The following THSD7B variants were observed in gnomAD, a reference collection of about 807,000 sequenced individuals.
THSD7B encodes the protein thrombospondin type-1 domain-containing protein 7B.
Under a neutral mutation model 213.6 loss-of-function variants are expected in THSD7B, and 138 were observed. The observed-to-expected ratio is 0.65, with a 90% CI of 0.56 to 0.74. THSD7B has a LOEUF of 0.74. Ranked by LOEUF, THSD7B falls within the 30% of genes least tolerant of loss-of-function variation. The pLI, the probability that THSD7B is intolerant of heterozygous loss-of-function variation, is 0.00. For missense variants in THSD7B, 1,931 were observed against 1,991.5 expected, an observed-to-expected ratio of 0.97 and a Z score of 0.58; for synonymous variants, 742 against 687.0, an observed-to-expected ratio of 1.08 and a Z score of -1.25.
chr2:137,055,244 G>A (rs1341865339), intron 2 of THSD7B, among the ~76,000 whole-genome samples: 3 of 152,056 alleles, frequency 2.0e-5, no homozygotes, highest in African/African-American at 4.8e-5. Context: ...ATAAACATAC[G>A]TGTGCATGTG....
chr2:137,016,247 C>T (rs912654132), intron 2 of THSD7B, among the ~76,000 whole-genome samples: 27 of 152,108 alleles, frequency 1.8e-4, no homozygotes, highest in South Asian at 4.1e-4. Flanking sequence ...TCAGAGTCTG[C>T]AATCTCACCT....
At chr2:137,012,337 A>G (rs1468879994) in intron 2 of THSD7B, among the ~76,000 whole-genome samples, 1 of 152,136 alleles carries the variant, frequency 6.6e-6, no homozygotes, top group Non-Finnish European at 1.5e-5. Flanking sequence ...ACAATACTCC[A>G]CCTAATTGCT....
chr2:136,822,550 A>G (rs918205567), intron 1 of THSD7B, among the ~76,000 whole-genome samples: 6 of 152,196 alleles, frequency 3.9e-5, no homozygotes, highest in African/African-American at 1.4e-4. Flanking sequence ...TTACAGATGA[A>G]GGAAGGAGAC....
chr2:137,053,791 T>A (rs567503452), intron 2 of THSD7B, among the ~76,000 whole-genome samples: 8 of 152,138 alleles, frequency 5.3e-5, no homozygotes, highest in African/African-American at 1.9e-4. Context: ...AGAGATAAAC[T>A]GACAGCCATT....
At chr2:137,290,826 C>A (rs1240221364) in intron 12 of THSD7B, among the ~76,000 whole-genome samples, 1 of 152,140 alleles carries the variant, frequency 6.6e-6, no homozygotes, top group African/African-American at 2.4e-5. Flanking sequence ...GGCTTGGAAT[C>A]CCGTCTGTTC....
At position 137,102,693 on chromosome 2, in the gene THSD7B, A is replaced by G. The variant is rs777785464; in HGVS notation, c.1199+7572A>G. On this transcript the variant is annotated intron_variant, in intron 4 of 27. Transcript: ENST00000409968. Reference sequence around the variant, plus strand: ...ATAACCAGTTTAGAGAAGAATATAAATGACCTGATGGATCTGAAAAACACA... The same window carrying G: ...ATAACCAGTTTAGAGAAGAATATAAGTGACCTGATGGATCTGAAAAACACA... Among the ~76,000 whole-genome samples, 31 of 152,216 alleles carry G rather than the reference A, an allele frequency of 2.0e-4. 1 individual carries two copies. Among genetic ancestry groups the G allele is most frequent in the Admixed American group, 9.8e-4 (15 of 15,284 alleles).
At chr2:137,586,189 T>A (rs964329884) in intron 17 of THSD7B, among the ~76,000 whole-genome samples, 2 of 152,188 alleles carry the variant, frequency 1.3e-5, no homozygotes, top group African/African-American at 4.8e-5. Context: ...ATTTGCTTGG[T>A]AGATCTTCCT....
intron 1 of THSD7B, among the ~76,000 whole-genome samples, chr2:136,870,039 T>C (rs953058775): frequency 7.2e-6 from 1 of 139,334 alleles, no homozygotes; most frequent in African/African-American, 2.7e-5. Flanking sequence ...ACCACTGCAC[T>C]CCGGGCTGGG....
chr2:137,333,845 A>G (rs1238806556), intron 12 of THSD7B, among the ~76,000 whole-genome samples: 1 of 152,202 alleles, frequency 6.6e-6, no homozygotes, highest in Admixed American at 6.5e-5. Flanking sequence ...AAAGCAGGAA[A>G]TGCTCTATGA....
intron 6 of THSD7B, among the ~76,000 whole-genome samples, chr2:137,168,024 A>G (rs1450314038): frequency 1.3e-5 from 2 of 152,224 alleles, no homozygotes; most frequent in African/African-American, 4.8e-5. Context: ...GAAGTAATAA[A>G]GTGGCATCTT....
chr2:137,239,324 C>G (rs938541922), intron 9 of THSD7B, among the ~76,000 whole-genome samples: 1 of 152,062 alleles, frequency 6.6e-6, no homozygotes, highest in Admixed American at 6.5e-5. Context: ...TTTTCTGTCT[C>G]TCTCTGAATT....
At chr2:137,293,538 G>A (rs1020239720) in intron 12 of THSD7B, among the ~76,000 whole-genome samples, 2 of 149,922 alleles carry the variant, frequency 1.3e-5, no homozygotes, top group African/African-American at 4.9e-5. Flanking sequence ...TTCTATTTCT[G>A]CCTTTTTTGC....
chr2:136,978,575 A>G (rs956947185), intron 2 of THSD7B, among the ~76,000 whole-genome samples: 6 of 151,868 alleles, frequency 4.0e-5, no homozygotes, highest in African/African-American at 1.5e-4. Flanking sequence ...GATCTTTGTT[A>G]AAGTCCGGTT....
At chr2:137,603,027 G>A (rs1682105075) in intron 17 of THSD7B, among the ~76,000 whole-genome samples, 1 of 152,166 alleles carries the variant, frequency 6.6e-6, no homozygotes, top group African/African-American at 2.4e-5. Flanking sequence ...GCTTGATTGA[G>A]TTGCTCCAGG....
Position 137,207,175 on chromosome 2 carries a change from T to A in THSD7B, c.1724-23869T>A, listed in dbSNP as rs188378488. ...GCATCTACTTTTCAGGGCTACCTATTGTGTTCTTAATGCTTTTATATGTTA... is the reference window on the plus strand; with the variant it reads ...GCATCTACTTTTCAGGGCTACCTATAGTGTTCTTAATGCTTTTATATGTTA... On this transcript the variant is annotated intron_variant, in intron 7 of 27. Transcript: ENST00000409968. Among the ~76,000 whole-genome samples the A allele has an allele frequency of 1.6e-4, 24 of 152,220 alleles. No homozygotes were observed. The East Asian group carries it at 2.3e-3, about 15-fold the overall frequency.
intron 5 of THSD7B, among the ~76,000 whole-genome samples, chr2:137,136,072 T>G (rs139393574): frequency 1.3e-5 from 2 of 152,204 alleles, no homozygotes; most frequent in African/African-American, 4.8e-5. Flanking sequence ...AAACACCACA[T>G]GTTCTTACTC....
At chr2:137,019,906 C>T (rs1310510594) in intron 2 of THSD7B, among the ~76,000 whole-genome samples, 4 of 152,064 alleles carry the variant, frequency 2.6e-5, no homozygotes, top group African/African-American at 9.7e-5. Context: ...CTGATAGTTA[C>T]CCGTGGTGTA....
chr2:137,471,963 G>A (rs1403479400), intron 15 of THSD7B, among the ~76,000 whole-genome samples: 1 of 152,182 alleles, frequency 6.6e-6, no homozygotes, highest in Non-Finnish European at 1.5e-5. Flanking sequence ...TATCAAAAAT[G>A]ATAATGTGAA....
chr2:137,588,337 C>A (rs565211187), intron 17 of THSD7B, among the ~76,000 whole-genome samples: 1 of 152,142 alleles, frequency 6.6e-6, no homozygotes, highest in Non-Finnish European at 1.5e-5. Context: ...CTGCACCCAC[C>A]GTCCTGCACC....
Sources: gnomAD v4.1 joint callset for allele counts (sites outside exome capture counted in the v4.1 genomes callset) on GRCh38, gnomAD v4.1.1 for gene constraint, MANE v1.5 for transcripts, NCBI Gene and HGNC (gene_info 2026-07-23, HGNC 2026-07-21) for gene names.